The following UBR1 variants were observed in gnomAD, a reference collection of about 807,000 sequenced individuals.
UBR1 encodes the protein E3 ubiquitin-protein ligase UBR1.
Under a neutral mutation model 242.1 loss-of-function variants are expected in UBR1, and 102 were observed. That is an observed-to-expected ratio of 0.42 (90% CI 0.36 to 0.50). The LOEUF (loss-of-function observed/expected upper bound fraction) is 0.50. Ranked by LOEUF, UBR1 falls within the 20% of genes least tolerant of loss-of-function variation. The probability of loss-of-function intolerance (pLI) is 0.01; values close to 1 mark genes in which losing one functional copy is unlikely to be tolerated. For synonymous variants in UBR1, 675 were observed against 684.8 expected (o/e 0.99, Z 0.22); for missense variants, 1,772 against 2,101.8 (o/e 0.84, Z 3.07).
intron 9 of UBR1, among the ~76,000 whole-genome samples, 184 bp from the exon 10 acceptor site, chr15:43,058,613 T>G (rs1242443835): frequency 2.6e-5 from 4 of 152,150 alleles, no homozygotes; most frequent in African/African-American, 9.7e-5. Flanking sequence ...ATATTGCCTT[T>G]TCCCTCTTTT....
intron 24 of UBR1, 45 bp from the exon 25 acceptor site, chr15:43,025,028 A>G: frequency 1.2e-6 from 2 of 1,609,336 alleles, no homozygotes; most frequent in Non-Finnish European, 8.5e-7. Context: ...AAACAGGTAC[A>G]TTTTTATTTG....
rs965279138 is a variant in UBR1, at chr15:43,003,863, A to G, written c.3483T>C (p.His1161=). The G allele has an allele frequency of 5.6e-6, 9 of 1,614,020 alleles. No homozygotes were observed. The highest frequency in any genetic ancestry group is 2.7e-5 in the African/African-American group (2 of 74,944). Residue 1161 remains histidine, a synonymous_variant, in exon 31 of 47, where the codon CAT becomes CAC. Coordinates refer to ENST00000290650, the MANE Select transcript of UBR1 (RefSeq NM_174916.3). ...TCTGCCAGCACACTGCGTGCATTAC[A>G]TGACCACAGCTTCCTGTATAAGTTC... ...AYGTYTGSCG[H]VMHAVCWQKY...
At chr15:42,987,472 T>C (rs1227926838) in intron 35 of UBR1, among the ~76,000 whole-genome samples, 3 of 152,142 alleles carry the variant, frequency 2.0e-5, no homozygotes, top group African/African-American at 7.2e-5. Context: ...TCCCAGCACT[T>C]TGGGAGGCTG....
intron 4 of UBR1, among the ~76,000 whole-genome samples, chr15:43,072,822 G>T (rs1396187479): frequency 6.6e-6 from 1 of 152,064 alleles, no homozygotes; most frequent in African/African-American, 2.4e-5. Flanking sequence ...ACATTGATTG[G>T]TTTTCAAATG....
At chr15:42,991,478 ACTT>A (rs1383604148) in intron 33 of UBR1, among the ~76,000 whole-genome samples, 2 of 151,700 alleles carry the variant, frequency 1.3e-5, no homozygotes, top group Admixed American at 6.6e-5. Context: ...GATTTACTGA[ACTT>A]CTTGAATCTG....
At chr15:43,004,004 T>C (rs1358266354) in intron 30 of UBR1, 74 bp from the exon 31 acceptor site, 3 of 1,319,468 alleles carry the variant, frequency 2.3e-6, no homozygotes, top group Admixed American at 1.7e-5. Context: ...CAAACTGTCT[T>C]AGGAATGTCC....
chr15:43,077,153 C>G (rs1281900042), intron 3 of UBR1, among the ~76,000 whole-genome samples: 1 of 149,426 alleles, frequency 6.7e-6, no homozygotes, highest in East Asian at 2.0e-4. Flanking sequence ...GGGAGGTGTG[C>G]CCAGCGGCTC....
intron 44 of UBR1, among the ~76,000 whole-genome samples, chr15:42,956,320 T>C (rs2031920189): frequency 6.6e-6 from 1 of 151,574 alleles, no homozygotes; most frequent in Non-Finnish European, 1.5e-5. Flanking sequence ...CTGAGGCAAC[T>C]TTTTTTTTCT....
chr15:43,008,622 G>C (rs1342862106), intron 29 of UBR1, among the ~76,000 whole-genome samples: 1 of 152,250 alleles, frequency 6.6e-6, no homozygotes, highest in Non-Finnish European at 1.5e-5. Flanking sequence ...GCCAGGAATG[G>C]CCTGAAGCCT....
intron 44 of UBR1, among the ~76,000 whole-genome samples, chr15:42,957,450 T>C (rs1473997037): frequency 6.6e-6 from 1 of 152,182 alleles, no homozygotes; most frequent in Non-Finnish European, 1.5e-5. Context: ...GTACAACATT[T>C]TGAATACATT....
chr15:43,046,990 A>G (rs560874938), intron 14 of UBR1, among the ~76,000 whole-genome samples, 171 bp downstream of exon 14: 1 of 152,288 alleles, frequency 6.6e-6, no homozygotes, highest in South Asian at 2.1e-4. Context: ...CACATTTTCT[A>G]CTCAAGTATA....
At chr15:42,978,026 T>A (rs1181227734) in intron 37 of UBR1, 79 bp from the exon 38 acceptor site, 1 of 1,087,074 alleles carries the variant, frequency 9.2e-7, no homozygotes, top group Non-Finnish European at 1.4e-6. Context: ...TAAAAACACC[T>A]AAACCAAACA....
intron 19 of UBR1, among the ~76,000 whole-genome samples, chr15:43,033,091 A>T (rs1489012943): frequency 1.3e-5 from 2 of 152,150 alleles, no homozygotes; most frequent in East Asian, 3.9e-4. Flanking sequence ...TTTATATCCT[A>T]TTCATGTTAG....
chr15:42,981,490 AT>A lies in UBR1; in HGVS notation c.4150+2406del, dbSNP rs927478172. Reference sequence around the variant, plus strand: ...CCAAAGCGATTTCTTTCTTGCCTCAATTTTTTTTTTCTTTTTTGAGATGGAA... The same window carrying A: ...CCAAAGCGATTTCTTTCTTGCCTCAATTTTTTTTTCTTTTTTGAGATGGAA... On this transcript the variant is annotated intron_variant, in intron 37 of 46. Transcript: ENST00000290650. Among the ~76,000 whole-genome samples, 610 of 149,744 alleles carry A rather than the reference AT, an allele frequency of 4.1e-3. 12 individuals are homozygous for A. The highest frequency in any genetic ancestry group is 2.8e-3 in the Non-Finnish European group (191 of 67,294).
chr15:43,101,595 C>T (rs185302864), intron 1 of UBR1, among the ~76,000 whole-genome samples: 38 of 152,066 alleles, frequency 2.5e-4, no homozygotes, highest in African/African-American at 6.5e-4. Flanking sequence ...CTGGGGAGGC[C>T]GAGGTGGGTG....
At chr15:42,990,187 G>T (rs745767699) in intron 33 of UBR1, 67 bp from the exon 34 acceptor site, 21 of 1,143,268 alleles carry the variant, frequency 1.8e-5, no homozygotes, top group Non-Finnish European at 2.7e-5. Context: ...CAGTTTTCTA[G>T]CATTTATTTA....
intron 1 of UBR1, among the ~76,000 whole-genome samples, chr15:43,104,747 C>G (rs992756051): frequency 6.6e-6 from 1 of 151,902 alleles, no homozygotes; most frequent in Non-Finnish European, 1.5e-5. Context: ...AATCTGTAAT[C>G]CCAGCACTTT....
chr15:43,051,315 G>A lies in UBR1; in HGVS notation c.1440-2824C>T, dbSNP rs564714804. ...AGGCCATTATCCTTAGCAAACTAAC[G>A]CAGAAACAGAAAACCAAATACTGCA... On this transcript the variant is annotated intron_variant, in intron 12 of 46. Transcript: ENST00000290650. 1.4e-4 allele frequency among the ~76,000 whole-genome samples: 22 copies of A among 152,214 alleles called. No homozygotes were observed. The South Asian group carries it at 1.7e-3, about 11-fold the overall frequency.
chr15:42,946,053 T>C (rs1054019048), intron 46 of UBR1, among the ~76,000 whole-genome samples: 1 of 152,240 alleles, frequency 6.6e-6, no homozygotes, highest in African/African-American at 2.4e-5. Flanking sequence ...CTGTTGCCAG[T>C]AACGGAGAAC....
Sources: allele counts gnomAD v4.1 joint callset (sites outside exome capture counted in the v4.1 genomes callset), GRCh38; gene constraint gnomAD v4.1.1; transcripts MANE v1.5; gene names NCBI Gene and HGNC (gene_info 2026-07-23, HGNC 2026-07-21).